The following NOL4 variants were observed in gnomAD, a reference collection of about 807,000 sequenced individuals.
NOL4 encodes the protein cancer/testis antigen 125.
A neutral mutation model predicts 75.9 loss-of-function variants in NOL4; 17 were observed. That is an observed-to-expected ratio of 0.22 (90% confidence interval 0.15 to 0.34). The LOEUF (loss-of-function observed/expected upper bound fraction) is 0.34. Among genes scored for constraint, NOL4 ranks in the 10% least tolerant of loss-of-function variants. The pLI, the probability that NOL4 is intolerant of heterozygous loss-of-function variation, is 1.00. For synonymous variants in NOL4, 292 were observed against 289.9 expected (o/e 1.01, Z -0.07); for missense variants, 614 against 793.5 (o/e 0.77, Z 2.72).
chr18:34,104,939 T>C (rs937506875), intron 3 of NOL4, 110 bp downstream of exon 3: 37 of 634,986 alleles, frequency 5.8e-5, no homozygotes, highest in Middle Eastern at 5.1e-4. Context: ...AATGAGATGA[T>C]CTGACTTGTT....
At chr18:34,002,446 T>C (rs906652925) in intron 6 of NOL4, among the ~76,000 whole-genome samples, 6 of 152,090 alleles carry the variant, frequency 3.9e-5, no homozygotes, top group African/African-American at 1.4e-4. Context: ...ATATTATACC[T>C]TCTGGAGAAG....
chr18:33,893,017 T>C (rs2065189196), intron 9 of NOL4, among the ~76,000 whole-genome samples: 1 of 152,050 alleles, frequency 6.6e-6, no homozygotes, highest in Non-Finnish European at 1.5e-5. Context: ...TTTTTTATAA[T>C]ATCATGAAAA....
At chr18:34,141,458 A>G (rs1335784228) in intron 1 of NOL4, among the ~76,000 whole-genome samples, 1 of 152,196 alleles carries the variant, frequency 6.6e-6, no homozygotes. Flanking sequence ...AGTAACCAAA[A>G]CAGCATGGTA....
intron 6 of NOL4, among the ~76,000 whole-genome samples, chr18:33,966,138 T>G (rs1045617592): frequency 6.6e-6 from 1 of 152,190 alleles, no homozygotes; most frequent in Non-Finnish European, 1.5e-5. Flanking sequence ...TAGGTTCACA[T>G]GATTGGATGA....
intron 1 of NOL4, among the ~76,000 whole-genome samples, chr18:34,213,423 G>A (rs1241740016): frequency 6.6e-6 from 1 of 152,152 alleles, no homozygotes; most frequent in African/African-American, 2.4e-5. Flanking sequence ...CTGAGTAGCT[G>A]GGACTACAGG....
At chr18:34,067,479 A>T (rs2077330176) in intron 5 of NOL4, among the ~76,000 whole-genome samples, 1 of 152,224 alleles carries the variant, frequency 6.6e-6, no homozygotes, top group South Asian at 2.1e-4. Context: ...AAAAAATACA[A>T]GAGTAGAAGC....
At chr18:34,005,736 C>T (rs577982276) in intron 6 of NOL4, among the ~76,000 whole-genome samples, 100 of 152,100 alleles carry the variant, frequency 6.6e-4, no homozygotes, top group African/African-American at 2.3e-3. Context: ...TTACATACTT[C>T]GATGATTCCC....
At chr18:33,865,749 C>A (rs1475872247) in intron 10 of NOL4, among the ~76,000 whole-genome samples, 3 of 152,102 alleles carry the variant, frequency 2.0e-5, no homozygotes, top group African/African-American at 4.8e-5. Context: ...GTCTCTTCTG[C>A]AGTCTATGTC....
chr18:33,895,568 T>C (rs868096340), intron 9 of NOL4, among the ~76,000 whole-genome samples: 7 of 152,228 alleles, frequency 4.6e-5, no homozygotes, highest in Non-Finnish European at 5.9e-5. Flanking sequence ...ATGTGTATCA[T>C]AGTATTTTTC....
chr18:34,019,500 C>A lies in NOL4; in HGVS notation c.874G>T (p.Asp292Tyr). Reference protein sequence around the residue: ...HSREMGDSNSDGKTGLEQDEQ... With the variant: ...HSREMGDSNSYGKTGLEQDEQ... ...TCTTGCTCCAGCCCAGTTTTGCCAT[C>A]ACTGTTGGAGTCTCCCATCTCCCTG... Residue 292 changes from aspartate to tyrosine, a missense_variant, in exon 6 of 11, where the codon GAT becomes TAT. Around this residue, in one of 9 missense-constraint regions of NOL4, gnomAD observed 196 missense variants for 167.9 expected, o/e 1.17. Transcript: ENST00000261592. 6.2e-7 allele frequency: 1 copy of A among 1,614,064 alleles called. No individual in the cohort carries two copies. The highest frequency in any genetic ancestry group is 8.5e-7 in the Non-Finnish European group (1 of 1,180,004).
intron 1 of NOL4, among the ~76,000 whole-genome samples, chr18:34,177,452 T>G (rs2033652765): frequency 6.6e-6 from 1 of 151,940 alleles, no homozygotes; most frequent in African/African-American, 2.4e-5. Context: ...CTAAATAAAT[T>G]TGTTAAAACT....
At chr18:33,971,004 A>G (rs766488706) in intron 6 of NOL4, among the ~76,000 whole-genome samples, 4 of 152,150 alleles carry the variant, frequency 2.6e-5, no homozygotes, top group Non-Finnish European at 5.9e-5. Context: ...TGCTTATTCA[A>G]TATTTCTTCA....
intron 1 of NOL4, among the ~76,000 whole-genome samples, chr18:34,156,907 C>T (rs71363432): frequency 6.6e-6 from 1 of 152,100 alleles, no homozygotes. Context: ...TCCCCTGCCT[C>T]CTTCCCACAC....
At chr18:34,081,208 G>A (rs1012197363) in intron 5 of NOL4, among the ~76,000 whole-genome samples, 3 of 152,030 alleles carry the variant, frequency 2.0e-5, no homozygotes, top group South Asian at 4.1e-4. Context: ...AATGTTATTG[G>A]TCTAGTTTCT....
At chr18:33,884,106 T>C (rs920734536) in intron 9 of NOL4, among the ~76,000 whole-genome samples, 1 of 152,230 alleles carries the variant, frequency 6.6e-6, no homozygotes, top group Middle Eastern at 3.4e-3. Flanking sequence ...ATTTTTATGT[T>C]AGAATTGCTT....
At chr18:33,984,496 G>A (rs896563109) in intron 6 of NOL4, among the ~76,000 whole-genome samples, 1 of 151,994 alleles carries the variant, frequency 6.6e-6, no homozygotes, top group Non-Finnish European at 1.5e-5. Context: ...TCATGGGGGT[G>A]GTTTCTCATG....
At chr18:34,205,573 T>C (rs1396207479) in intron 1 of NOL4, among the ~76,000 whole-genome samples, 4 of 152,072 alleles carry the variant, frequency 2.6e-5, no homozygotes, top group African/African-American at 9.7e-5. Flanking sequence ...CATGAACTCT[T>C]GGGATGTCGC....
chr18:34,146,806 C>T (rs184870141), intron 1 of NOL4, among the ~76,000 whole-genome samples: 4 of 151,482 alleles, frequency 2.6e-5, no homozygotes, highest in African/African-American at 9.7e-5. Context: ...AAATTACTTT[C>T]GGCAGTATGG....
intron 5 of NOL4, among the ~76,000 whole-genome samples, chr18:34,061,018 G>C (rs2077045149): frequency 6.6e-6 from 1 of 152,108 alleles, no homozygotes; most frequent in African/African-American, 2.4e-5. Context: ...TCAGAAGATA[G>C]AACTTCAAAA....
Sources: allele counts gnomAD v4.1 joint callset (sites outside exome capture counted in the v4.1 genomes callset), GRCh38; gene constraint gnomAD v4.1.1; regional missense constraint gnomAD v4.1.1; transcripts MANE v1.5; gene names NCBI Gene and HGNC (gene_info 2026-07-23, HGNC 2026-07-21).